Variants in SDK2 observed in about 807,000 individuals in gnomAD.
SDK2 encodes sidekick cell adhesion molecule 2, also known as protein sidekick-2.
SDK2 carries 105 observed loss-of-function variants against 253.9 expected under a neutral mutation model. The ratio of observed to expected loss-of-function variants is 0.41; its 90% CI spans 0.35 to 0.49. The LOEUF is 0.49. SDK2 is among the 20% of genes least tolerant of loss of function. SDK2 has a pLI of 0.06. For synonymous variants in SDK2, 1,249 were observed against 1,234.9 expected (o/e 1.01, Z -0.24); for missense variants, 2,608 against 3,003.0 (o/e 0.87, Z 3.07).
Position 73,570,421 on chromosome 17 carries a change from A to G in SDK2, c.65-62824T>C, listed in dbSNP as rs555150547. Among the ~76,000 whole-genome samples the G allele has an allele frequency of 6.6e-5, 10 of 152,232 alleles. No homozygotes were observed. Among genetic ancestry groups the G allele is most frequent in the African/African-American group, 2.4e-4 (10 of 41,526 alleles). On this transcript the variant is annotated intron_variant, in intron 1 of 44. Transcript: ENST00000392650. This position sits in a 1 kb window ranked among gnomAD's most constrained non-coding sequence, Gnocchi z 4.2. The stretch of plus-strand genomic sequence containing the variant: ...TGTGAGGGTGGGTGAGGTGGCTCCC[A>G]CTGCTGGCTGGGTGAGCAGTTGGTG...
intron 18 of SDK2, among the ~76,000 whole-genome samples, chr17:73,404,113 A>G (rs2063051441): frequency 2.0e-5 from 3 of 152,270 alleles, no homozygotes; most frequent in South Asian, 4.1e-4. Flanking sequence ...CACAAAAATG[A>G]CCCAGAGGAA....
At chr17:73,557,057 G>A (rs542451232) in intron 1 of SDK2, among the ~76,000 whole-genome samples, 75 of 152,304 alleles carry the variant, frequency 4.9e-4, no homozygotes, top group South Asian at 1.7e-3. Flanking sequence ...GGCCTTATGT[G>A]GGTTTGAATT....
intron 1 of SDK2, among the ~76,000 whole-genome samples, chr17:73,623,011 C>T (rs2046152789): frequency 6.6e-6 from 1 of 152,232 alleles, no homozygotes; most frequent in African/African-American, 2.4e-5. Context: ...GCCTGGAATC[C>T]TCCTCCTGAG....
intron 36 of SDK2, among the ~76,000 whole-genome samples, chr17:73,371,556 C>T (rs1050057264): frequency 1.3e-5 from 2 of 151,944 alleles, no homozygotes; most frequent in Non-Finnish European, 2.9e-5. Context: ...CTATTTGGAG[C>T]GAGTTCAAGG....
chr17:73,507,938 G>A lies in SDK2; in HGVS notation c.65-341C>T, dbSNP rs150747762. Among the ~76,000 whole-genome samples the A allele has an allele frequency of 2.6e-3, 397 of 152,318 alleles. 1 individual carries two copies. The highest frequency in any genetic ancestry group is 9.4e-3 in the African/African-American group (389 of 41,574). ...ACTCTGCTCATGGGTTCCCCCTCCA[G>A]GGCAGGAGGCAAGAGGGGCACTTTC... On this transcript the variant is annotated intron_variant, in intron 1 of 44. Transcript: ENST00000392650.
intron 29 of SDK2, among the ~76,000 whole-genome samples, chr17:73,388,387 T>A (rs911283744): frequency 6.6e-6 from 1 of 152,176 alleles, no homozygotes. Context: ...CTGTCCCTGA[T>A]TGAGCAGGAT....
chr17:73,587,312 GC>G (rs2045615918), intron 1 of SDK2, among the ~76,000 whole-genome samples: 1 of 152,180 alleles, frequency 6.6e-6, no homozygotes, highest in African/African-American at 2.4e-5. Flanking sequence ...CCGAGGTGGA[GC>G]CAGGAGCCTG....
intron 1 of SDK2, among the ~76,000 whole-genome samples, chr17:73,611,135 G>A (rs1305276998): frequency 1.3e-5 from 2 of 152,208 alleles, no homozygotes; most frequent in African/African-American, 2.4e-5. Flanking sequence ...GTGGTGCCAC[G>A]CAGGCTCACA....
rs1410693761 is a variant in SDK2, at chr17:73,336,040, A to G, written c.*2547T>C. 1 of 152,220 alleles carries G rather than the reference A, an allele frequency of 6.6e-6. No individual in the cohort carries two copies. Among genetic ancestry groups the G allele is most frequent in the Non-Finnish European group, 1.5e-5 (1 of 68,040 alleles). 9.4% of individuals were successfully genotyped at this position (152,220 alleles called of 1,614,324 possible). A position where few individuals can be genotyped will look rare whatever the true frequency, so the allele number is the denominator to read the frequency against. ...GACCTCATGTGCAATATATACACAG[A>G]CACAATGTTTTTACTCACTCCTGCT... On this transcript the variant is annotated 3_prime_UTR_variant, in exon 45 of 45. Transcript: ENST00000392650.
intron 1 of SDK2, among the ~76,000 whole-genome samples, chr17:73,613,059 C>A (rs997213480): frequency 3.3e-5 from 5 of 152,212 alleles, no homozygotes; most frequent in African/African-American, 9.7e-5. Context: ...TATAGATGAA[C>A]AAACACACCA....
At chr17:73,638,731 A>T (rs934361040) in intron 1 of SDK2, among the ~76,000 whole-genome samples, 1 of 152,064 alleles carries the variant, frequency 6.6e-6, no homozygotes, top group African/African-American at 2.4e-5. Flanking sequence ...CTTAACATTT[A>T]CAAAGGGCAT....
At chr17:73,422,168 AG>A in intron 15 of SDK2, 118 bp downstream of exon 15, 1 of 1,107,692 alleles carries the variant, frequency 9.0e-7, no homozygotes, top group Non-Finnish European at 1.3e-6. Flanking sequence ...CCTTCTACAG[AG>A]GCGGAAGCCT....
chr17:73,463,291 T>C (rs2063576297), intron 3 of SDK2, among the ~76,000 whole-genome samples: 1 of 152,252 alleles, frequency 6.6e-6, no homozygotes. Flanking sequence ...AAATTATTCC[T>C]GATGTCTTTG....
At chr17:73,434,069 G>A (rs561353667) in intron 9 of SDK2, among the ~76,000 whole-genome samples, 1 of 152,292 alleles carries the variant, frequency 6.6e-6, no homozygotes, top group East Asian at 1.9e-4. Context: ...CCTGCCCTGT[G>A]GAAGGACCCA....
intron 1 of SDK2, among the ~76,000 whole-genome samples, chr17:73,641,935 C>T (rs989233911): frequency 3.3e-5 from 5 of 152,124 alleles, no homozygotes; most frequent in South Asian, 2.1e-4. Flanking sequence ...GGGACACACA[C>T]AGCAGGAGAG....
At chr17:73,582,698 G>T (rs999416921) in intron 1 of SDK2, among the ~76,000 whole-genome samples, 2 of 152,086 alleles carry the variant, frequency 1.3e-5, no homozygotes, top group African/African-American at 4.8e-5. Context: ...TTCTTAGCCA[G>T]CACCCCCAGA....
intron 44 of SDK2, among the ~76,000 whole-genome samples, chr17:73,342,492 C>T (rs2062447496): frequency 6.6e-6 from 1 of 152,198 alleles, no homozygotes; most frequent in Non-Finnish European, 1.5e-5. Flanking sequence ...GGCTGGGGGT[C>T]CATCCCGCCC....
At chr17:73,440,749 C>T in intron 6 of SDK2, 63 bp downstream of exon 6, 1 of 1,229,976 alleles carries the variant, frequency 8.1e-7, no homozygotes, top group Non-Finnish European at 1.2e-6. Context: ...TCCCTGGAGC[C>T]CGCAGTTTGG....
intron 18 of SDK2, among the ~76,000 whole-genome samples, chr17:73,410,303 C>G (rs2063114948): frequency 6.6e-6 from 1 of 151,870 alleles, no homozygotes; most frequent in African/African-American, 2.4e-5. Flanking sequence ...GGTAATATTC[C>G]TTTTTGTTTT....
Sources: gnomAD v4.1 joint callset for allele counts (sites outside exome capture counted in the v4.1 genomes callset) on GRCh38, gnomAD v4.1.1 for gene constraint, Gnocchi (gnomAD v3.1) non-coding constraint, MANE v1.5 for transcripts, NCBI Gene and HGNC (gene_info 2026-07-23, HGNC 2026-07-21) for gene names.